Variants in AMY2B observed in about 807,000 individuals in gnomAD.
AMY2B encodes amylase alpha 2B, also known as alpha-amylase 2B.
A neutral mutation model predicts 59.3 loss-of-function variants in AMY2B; 63 were observed. That is an observed-to-expected ratio of 1.06 (90% CI 0.87 to 1.31). The LOEUF (loss-of-function observed/expected upper bound fraction) is 1.31, where lower values mean the gene tolerates loss of function less well. Among genes scored for constraint, AMY2B ranks in the 50% most tolerant of loss-of-function variants. The probability of loss-of-function intolerance (pLI) is 0.00; values close to 1 mark genes in which losing one functional copy is unlikely to be tolerated. For missense variants in AMY2B, 635 were observed against 626.7 expected (o/e 1.01, Z -0.14); for synonymous variants, 180 against 198.1 (o/e 0.91, Z 0.77).
intron 5 of AMY2B, among the ~76,000 whole-genome samples, chr1:103,574,702 T>G (rs1652276323): frequency 6.6e-6 from 1 of 152,056 alleles, no homozygotes; most frequent in South Asian, 2.1e-4. Flanking sequence ...AAAATGATCC[T>G]ATCATTTATA....
At chr1:103,570,183 C>G (rs923723027), upstream of AMY2B, 4 of 477,906 alleles carry the variant, frequency 8.4e-6, no homozygotes, top group Non-Finnish European at 4.1e-6. Flanking sequence ...TCAGACACTA[C>G]GTCAAGGAGA....
chr1:103,555,011 A>G (rs1276411081), exon 1 of AMY2B: 1 of 151,996 alleles, frequency 6.6e-6, no homozygotes, highest in Non-Finnish European at 1.5e-5. Context: ...TCCTATTTTT[A>G]ATGGGCTTTT....
At chr1:103,554,803 G>A (rs1651493049) in exon 1 of AMY2B, 1 of 152,482 alleles carries the variant, frequency 6.6e-6, no homozygotes, top group East Asian at 1.9e-4. Context: ...CACCTTAAAA[G>A]TACAAAACCT....
chr1:103,568,910 A>G (rs1276838237), upstream of AMY2B: 1 of 151,930 alleles, frequency 6.6e-6, no homozygotes, highest in Non-Finnish European at 1.5e-5. Flanking sequence ...AGTAATATAT[A>G]AAGGAAAAAG....
upstream of AMY2B, chr1:103,570,629 G>A (rs1420463328): frequency 3.4e-6 from 2 of 588,636 alleles, no homozygotes; most frequent in Non-Finnish European, 6.7e-6. Context: ...GCAAGCAATA[G>A]TACAATGACT....
intron 4 of AMY2B, 35 bp downstream of exon 4, chr1:103,573,973 C>A: frequency 6.2e-7 from 1 of 1,613,304 alleles, no homozygotes; most frequent in East Asian, 2.2e-5. Flanking sequence ...AAAATATCAT[C>A]TTATTCATTA....
chr1:103,575,748 A>G (rs1366591524), intron 7 of AMY2B: 1 of 730,288 alleles, frequency 1.4e-6, no homozygotes, highest in Non-Finnish European at 2.0e-6. Context: ...CTTTTCAGAC[A>G]TATGATAAAC....
At position 103,577,566 on chromosome 1, in the gene AMY2B, G is replaced by A. The variant is rs565901481; in HGVS notation, c.1178G>A (p.Cys393Tyr). The change falls in exon 8 of 10, where the codon TGT becomes TAT. Residue 393 changes from cysteine (C) to tyrosine (Y), a missense_variant. Transcript: ENST00000684275. ...GTTACTATTAATCCAGACACTACTT[G>A]TGGCAATGACTGGGTCTGTGAACAT... ...KEVTINPDTT[C>Y]GNDWVCEHRW... 1.2e-6 allele frequency: 2 copies of A among 1,611,962 alleles called. No homozygotes were observed. The highest frequency in any genetic ancestry group is 1.3e-5 in the African/African-American group (1 of 74,972).
At chr1:103,572,734 C>G (rs763026002) in intron 2 of AMY2B, among the ~76,000 whole-genome samples, 1 of 152,072 alleles carries the variant, frequency 6.6e-6, no homozygotes, top group Non-Finnish European at 1.5e-5. Context: ...TCCTGGTGAC[C>G]GACTGTAATT....
chr1:103,574,228 C>G, intron 4 of AMY2B, 32 bp from the exon 5 acceptor site: 2 of 1,611,192 alleles, frequency 1.2e-6, no homozygotes, highest in Non-Finnish European at 1.7e-6. Context: ...AGTCCTTATG[C>G]AAAATGTTAC....
chr1:103,578,264 A>G (rs2101080614), intron 9 of AMY2B, among the ~76,000 whole-genome samples: 1 of 152,260 alleles, frequency 6.6e-6, no homozygotes, highest in African/African-American at 2.4e-5. Flanking sequence ...CTTTTTCTCA[A>G]TGACTGCTCT....
At chr1:103,577,311 G>A (rs1432464203) in intron 7 of AMY2B, 179 bp from the exon 8 acceptor site, 30 of 1,184,658 alleles carry the variant, frequency 2.5e-5, no homozygotes, top group Middle Eastern at 2.9e-4. Flanking sequence ...GAGAACCAGA[G>A]GATAGAGAGA....
chr1:103,559,131 A>C (rs1651655435), intron 1 of AMY2B, among the ~76,000 whole-genome samples: 1 of 152,230 alleles, frequency 6.6e-6, no homozygotes, highest in African/African-American at 2.4e-5. Flanking sequence ...ACTGTAGTTA[A>C]ACAAATAATC....
At chr1:103,569,795 A>G (rs1318059150), upstream of AMY2B, 3 of 452,970 alleles carry the variant, frequency 6.6e-6, no homozygotes, top group East Asian at 1.1e-4. Context: ...CTGGGATGAC[A>G]TAGAGAAGAT....
chr1:103,573,949 A>G lies in AMY2B; in HGVS notation c.744+11A>G. The G allele has an allele frequency of 6.2e-7, 1 of 1,613,732 alleles. No individual in the cohort carries two copies. Among genetic ancestry groups the G allele is most frequent in the Non-Finnish European group, 8.5e-7 (1 of 1,179,696 alleles). On this transcript the variant is annotated intron_variant, in intron 4 of 9. Transcript: ENST00000684275. ...TTCATTTACCAGGAGGTACATCAAT[A>G]CATATATGCATATAAAATATCATCT...
chr1:103,560,096 A>G (rs1195740415), intron 1 of AMY2B, among the ~76,000 whole-genome samples: 1 of 152,136 alleles, frequency 6.6e-6, no homozygotes, highest in African/African-American at 2.4e-5. Flanking sequence ...CTGACTGTAT[A>G]TAGACAATTA....
At chr1:103,556,697 A>AG (rs944254887) in intron 1 of AMY2B, among the ~76,000 whole-genome samples, 2 of 152,056 alleles carry the variant, frequency 1.3e-5, no homozygotes, top group Admixed American at 1.3e-4. Context: ...GGAGTAGCAT[A>AG]GAGGCAAGGT....
chr1:103,556,411 TAAA>T (rs1049896191), intron 1 of AMY2B, among the ~76,000 whole-genome samples: 1 of 151,886 alleles, frequency 6.6e-6, no homozygotes, highest in Non-Finnish European at 1.5e-5. Context: ...AGTGAGAAAA[TAAA>T]GAAGGTTGAG....
At chr1:103,574,580 G>C (rs1046633877) in intron 5 of AMY2B, among the ~76,000 whole-genome samples, 187 bp downstream of exon 5, 1 of 152,028 alleles carries the variant, frequency 6.6e-6, no homozygotes, top group African/African-American at 2.4e-5. Flanking sequence ...TATCACAAGT[G>C]AGTATGCCTA....
Sources: allele counts gnomAD v4.1 joint callset (sites outside exome capture counted in the v4.1 genomes callset), GRCh38; gene constraint gnomAD v4.1.1; transcripts MANE v1.5; gene names NCBI Gene and HGNC (gene_info 2026-07-23, HGNC 2026-07-21).